Variants in LSM1 observed in about 807,000 individuals in gnomAD.
The protein encoded by LSM1 is U6 snRNA-associated Sm-like protein LSm1.
In LSM1, 13 loss-of-function variants were observed where a neutral mutation model predicts 18.0. The ratio of observed to expected loss-of-function variants is 0.72; its 90% CI spans 0.47 to 1.15. The LOEUF (loss-of-function observed/expected upper bound fraction) is 1.15, where lower values mean the gene tolerates loss of function less well. Ranked by LOEUF, LSM1 falls within the 50% of genes most tolerant of loss-of-function variation. The pLI, the probability that LSM1 is intolerant of heterozygous loss-of-function variation, is 0.00. For synonymous variants in LSM1, 46 were observed against 56.0 expected, an observed-to-expected ratio of 0.82 and a Z score of 0.80; for missense variants, 152 against 157.7, an observed-to-expected ratio of 0.96 and a Z score of 0.19.
intron 2 of LSM1, chr8:38,170,828 C>A: frequency 4.4e-6 from 1 of 227,160 alleles, no homozygotes; most frequent in South Asian, 5.0e-5. Flanking sequence ...ATCAGGACTC[C>A]AATTTGTTAA....
intron 3 of LSM1, among the ~76,000 whole-genome samples, chr8:38,165,576 A>T (rs1266617541): frequency 6.6e-6 from 1 of 151,714 alleles, no homozygotes; most frequent in African/African-American, 2.4e-5. Context: ...TCACACTTGT[A>T]ATCCCAGCTA....
chr8:38,165,218 T>C (rs1802909150), intron 3 of LSM1, among the ~76,000 whole-genome samples: 1 of 152,102 alleles, frequency 6.6e-6, no homozygotes, highest in South Asian at 2.1e-4. Context: ...CTGGGCGTGG[T>C]GGCAGGTGCC....
upstream of LSM1, chr8:38,176,696 C>A (rs77568784): frequency 5.0e-3 from 4,071 of 807,132 alleles, 112 homozygotes; most frequent in African/African-American, 0.066. Flanking sequence ...GAGTCACTGA[C>A]CTCCGTCCCT....
intron 3 of LSM1, among the ~76,000 whole-genome samples, chr8:38,167,166 A>T (rs1019787940): frequency 3.3e-5 from 5 of 152,126 alleles, no homozygotes; most frequent in South Asian, 2.1e-4. Context: ...ATATTTTTTT[A>T]AAAAAGGGAA....
At chr8:38,168,239 G>C (rs974525255) in intron 3 of LSM1, among the ~76,000 whole-genome samples, 1 of 151,570 alleles carries the variant, frequency 6.6e-6, no homozygotes, top group African/African-American at 2.4e-5. Context: ...GGGATTACAG[G>C]CGTGAGGCAC....
At chr8:38,172,133 A>G (rs1803040247) in intron 1 of LSM1, 100 bp from the exon 2 acceptor site, 2 of 794,130 alleles carry the variant, frequency 2.5e-6, no homozygotes, top group Non-Finnish European at 4.2e-6. Flanking sequence ...TCCTCGGCCA[A>G]TGCATTTAAT....
intron 2 of LSM1, 117 bp downstream of exon 2, chr8:38,171,848 C>T: frequency 1.4e-6 from 1 of 733,926 alleles, no homozygotes; most frequent in East Asian, 2.5e-5. Context: ...AAAATCAGTC[C>T]TACTAGGTCA....
chr8:38,175,025 C>CA (rs1203614273), intron 1 of LSM1, among the ~76,000 whole-genome samples: 803 of 56,674 alleles, frequency 0.014, 5 homozygotes, highest in African/African-American at 0.017. Context: ...GACTCTGTCT[C>CA]AAAAAAAAAA....
chr8:38,164,317 G>T (rs904185916), intron 3 of LSM1, among the ~76,000 whole-genome samples: 3 of 152,054 alleles, frequency 2.0e-5, no homozygotes, highest in African/African-American at 7.2e-5. Context: ...CTCTCAAAGT[G>T]CTGGGATTAT....
intron 1 of LSM1, among the ~76,000 whole-genome samples, chr8:38,173,776 T>C (rs986752444): frequency 1.3e-5 from 2 of 152,146 alleles, no homozygotes; most frequent in Admixed American, 1.3e-4. Context: ...ACAGTAAGAC[T>C]GGAAAACCAA....
At chr8:38,173,924 G>GT (rs1439005360) in intron 1 of LSM1, among the ~76,000 whole-genome samples, 6 of 152,230 alleles carry the variant, frequency 3.9e-5, no homozygotes. Context: ...TTGGAGAACA[G>GT]TAAGAGCCAG....
chr8:38,165,636 G>A (rs1802915169), intron 3 of LSM1, among the ~76,000 whole-genome samples: 1 of 151,450 alleles, frequency 6.6e-6, no homozygotes, highest in Admixed American at 6.6e-5. Flanking sequence ...GGCAGAGGTT[G>A]CAGTGAGCCA....
At position 38,171,995 on chromosome 8, in the gene LSM1, T is replaced by A; in HGVS notation, c.85A>T (p.Ile29Leu). The change falls in exon 2 of 4, where the codon ATA becomes TTA. Residue 29 changes from isoleucine to leucine, a missense_variant. Ile to Leu is a conservative substitution (Grantham distance 5, BLOSUM62 2). Transcript: ENST00000311351. ...TGATCAATGCTTCTTAAAAAGCCTA[T>A]AAGTGTCCTTCCATCTCGAAGCAGA... is the stretch of plus-strand genomic sequence containing the variant. ...LVLLRDGRTL[I>L]GFLRSIDQFA... 6.2e-7 allele frequency: 1 copy of A among 1,612,556 alleles called. No homozygotes were observed. Among genetic ancestry groups the A allele is most frequent in the Non-Finnish European group, 8.5e-7 (1 of 1,179,556 alleles).
chr8:38,176,051 AGAG>A (rs1260342549), intron 1 of LSM1: 12 of 463,260 alleles, frequency 2.6e-5, no homozygotes, highest in Middle Eastern at 1.2e-3. Context: ...CTCACCAGCT[AGAG>A]GGCTGGCGGA....
chr8:38,167,295 G>A (rs924699519), intron 3 of LSM1, among the ~76,000 whole-genome samples: 1 of 152,202 alleles, frequency 6.6e-6, no homozygotes. Flanking sequence ...AATGTAACCA[G>A]TATAAAAAGC....
Position 38,172,046 on chromosome 8 carries a change from GA to G in LSM1, c.47-14del, listed in dbSNP as rs750637760. ...ACCAAGTGCTTTTCTGGGGAGAGAG[GA>G]AAAAATCTTTTAAATGAAAACTGAC... On this transcript the variant is annotated splice_polypyrimidine_tract_variant and intron_variant, in intron 1 of 3. Transcript: ENST00000311351. 2 of 1,594,248 alleles carry G rather than the reference GA, an allele frequency of 1.3e-6. No homozygotes were observed. Among genetic ancestry groups the G allele is most frequent in the Non-Finnish European group, 1.7e-6 (2 of 1,167,748 alleles).
chr8:38,169,649 A>G (rs1436492555), intron 3 of LSM1, among the ~76,000 whole-genome samples, 153 bp downstream of exon 3: 3 of 152,258 alleles, frequency 2.0e-5, no homozygotes, highest in African/African-American at 7.2e-5. Context: ...GAAACAAAGT[A>G]TTCTCTGTAG....
intron 3 of LSM1, among the ~76,000 whole-genome samples, chr8:38,164,881 C>G (rs949262336): frequency 2.0e-5 from 3 of 152,146 alleles, no homozygotes; most frequent in Non-Finnish European, 2.9e-5. Context: ...GCCTTTACCT[C>G]CTACGTAGCT....
Position 38,176,401 on chromosome 8 carries a change from G to A in LSM1, c.-81C>T. 12 of 1,144,180 alleles carry A rather than the reference G, an allele frequency of 1.0e-5. No individual in the cohort carries two copies. The highest frequency in any genetic ancestry group is 1.5e-5 in the Non-Finnish European group (12 of 782,610). 70.9% of individuals were successfully genotyped at this position (1,144,180 alleles called of 1,614,324 possible). A position where few individuals can be genotyped will look rare whatever the true frequency, so the allele number is the denominator to read the frequency against. The stretch of plus-strand genomic sequence containing the variant: ...CCTCTTCCCTCCTACCGCAGTCGCC[G>A]CCTCGGTGGGACCAAGCCCGGAATC... On this transcript the variant is annotated 5_prime_UTR_variant, in exon 1 of 4. Coordinates refer to ENST00000311351, the MANE Select transcript of LSM1 (RefSeq NM_014462.3).
Sources: allele counts gnomAD v4.1 joint callset (sites outside exome capture counted in the v4.1 genomes callset), GRCh38; gene constraint gnomAD v4.1.1; transcripts MANE v1.5; gene names NCBI Gene and HGNC (gene_info 2026-07-23, HGNC 2026-07-21).